The following EYA2 variants were observed in gnomAD, a reference collection of about 807,000 sequenced individuals.
EYA2 encodes protein phosphatase EYA2.
Under a neutral mutation model 69.2 loss-of-function variants are expected in EYA2, and 31 were observed. The ratio of observed to expected loss-of-function variants is 0.45; its 90% CI spans 0.34 to 0.60. The LOEUF is 0.60. EYA2 is among the 20% of genes least tolerant of loss of function. The probability of loss-of-function intolerance (pLI) is 0.02; values close to 1 mark genes in which losing one functional copy is unlikely to be tolerated. For synonymous variants in EYA2, 257 were observed against 279.4 expected, an observed-to-expected ratio of 0.92 and a Z score of 0.80; for missense variants, 622 against 701.2, an observed-to-expected ratio of 0.89 and a Z score of 1.28.
Position 47,188,488 on chromosome 20 carries a change from G to A in EYA2, c.*355G>A. 1.9e-6 allele frequency: 1 copy of A among 530,650 alleles called. No homozygotes were observed. Among genetic ancestry groups the A allele is most frequent in the East Asian group, 2.8e-5 (1 of 35,300 alleles). The allele number at this position is 530,650 out of a possible 1,614,324, so 32.9% of individuals were successfully genotyped here. A position where few individuals can be genotyped will look rare whatever the true frequency, so the allele number is the denominator to read the frequency against. ...TGTCTTCTTTTTAATTTATGGACTA[G>A]TCTCATTACTCCGGAATTATGCTCT... On this transcript the variant is annotated 3_prime_UTR_variant, in exon 16 of 16. Transcript: ENST00000327619.
chr20:46,939,422 A>T (rs749572000), intron 1 of EYA2, among the ~76,000 whole-genome samples: 8 of 152,160 alleles, frequency 5.3e-5, no homozygotes, highest in Non-Finnish European at 8.8e-5. Context: ...ACAAAGAGAG[A>T]TAATGACTTT....
intron 9 of EYA2, among the ~76,000 whole-genome samples, chr20:47,113,687 T>C (rs192948255): frequency 4.0e-4 from 61 of 152,268 alleles, no homozygotes; most frequent in African/African-American, 1.4e-3. Context: ...GCAAAGGTCA[T>C]TCCCAGGCTG....
rs1003286648 is a variant in EYA2 at position 47,146,977 on chromosome 20, A to C, written c.978+3829A>C. ...CAAAGTGCTCTGAAGAGAGACCAAG[A>C]GAGTCAGGGAGGAGGCTCTCACCAG... is the stretch of plus-strand genomic sequence containing the variant. On this transcript the variant is annotated intron_variant, in intron 10 of 15. Transcript: ENST00000327619. Among the ~76,000 whole-genome samples, 8 of 151,662 alleles carry C rather than the reference A, an allele frequency of 5.3e-5. 1 individual carries two copies. Among genetic ancestry groups the C allele is most frequent in the Non-Finnish European group, 1.0e-4 (7 of 67,944 alleles).
chr20:46,946,972 G>A (rs1046339660), intron 1 of EYA2, among the ~76,000 whole-genome samples: 2 of 152,302 alleles, frequency 1.3e-5, no homozygotes, highest in East Asian at 3.9e-4. Flanking sequence ...TGTAAATAAA[G>A]TTTTATTGGA....
At chr20:46,953,486 G>T (rs889307528) in intron 1 of EYA2, among the ~76,000 whole-genome samples, 2 of 152,192 alleles carry the variant, frequency 1.3e-5, no homozygotes, top group South Asian at 4.1e-4. Context: ...AGAATGAGCC[G>T]GGTTGGAAGT....
chr20:47,116,037 C>T (rs1031508246), intron 9 of EYA2, among the ~76,000 whole-genome samples: 12 of 152,216 alleles, frequency 7.9e-5, no homozygotes, highest in African/African-American at 1.9e-4. Context: ...CTTAGGGACG[C>T]TTCCCAATCT....
intron 5 of EYA2, among the ~76,000 whole-genome samples, chr20:47,056,889 A>G (rs2030637793): frequency 6.6e-6 from 1 of 151,988 alleles, no homozygotes; most frequent in East Asian, 1.9e-4. Context: ...TATAAAAAGT[A>G]AAAAACTTAG....
At chr20:47,034,580 A>G (rs932843762) in intron 5 of EYA2, among the ~76,000 whole-genome samples, 1 of 152,196 alleles carries the variant, frequency 6.6e-6, no homozygotes, top group Non-Finnish European at 1.5e-5. Context: ...CAACTTTGCA[A>G]TTCAGAGGCC....
intron 13 of EYA2, among the ~76,000 whole-genome samples, chr20:47,180,577 A>G (rs1002496842): frequency 6.6e-6 from 1 of 152,162 alleles, no homozygotes; most frequent in African/African-American, 2.4e-5. Flanking sequence ...CTTGCAATAA[A>G]CATTTGCTTT....
chr20:47,067,207 AAAGAGAAATCAG>A (rs1332915204), intron 5 of EYA2, among the ~76,000 whole-genome samples: 1 of 152,196 alleles, frequency 6.6e-6, no homozygotes, highest in Admixed American at 6.5e-5. Context: ...ATGCAAAAGA[AAAGAGAAATCAG>A]AAGAGAAAAC....
At chr20:47,117,375 A>G in intron 9 of EYA2, 5 of 985,362 alleles carry the variant, frequency 5.1e-6, no homozygotes, top group Non-Finnish European at 6.0e-6. Flanking sequence ...GGTGAGATGG[A>G]GCCCCGAATT....
rs998533707 is a variant in EYA2 at position 47,013,595 on chromosome 20, A to G, written c.299-2586A>G. 3.3e-5 allele frequency among the ~76,000 whole-genome samples: 5 copies of G among 152,230 alleles called. No individual in the cohort carries two copies. The South Asian group carries it at 1.0e-3, about 32-fold the overall frequency. On this transcript the variant is annotated intron_variant, in intron 4 of 15. Transcript: ENST00000327619. Reference sequence around the variant, plus strand: ...TCATCATCAGGGAACTGGCTGAACAAGCAGTGATATTTCCGATTCTGGCTT... The same window carrying G: ...TCATCATCAGGGAACTGGCTGAACAGGCAGTGATATTTCCGATTCTGGCTT...
At chr20:47,100,321 A>G (rs907155806) in intron 9 of EYA2, among the ~76,000 whole-genome samples, 15 of 152,154 alleles carry the variant, frequency 9.9e-5, no homozygotes, top group Non-Finnish European at 1.6e-4. Context: ...AAATCTGGCA[A>G]TCCTGCATTC....
intron 10 of EYA2, among the ~76,000 whole-genome samples, chr20:47,151,370 C>CA (rs11481571): frequency 0.019 from 2,784 of 143,116 alleles, 79 homozygotes; most frequent in African/African-American, 0.065. Context: ...GACTCCATCT[C>CA]AAAAAAAAAA....
intron 9 of EYA2, among the ~76,000 whole-genome samples, chr20:47,125,047 G>GT (rs11478823): frequency 0.016 from 1,432 of 88,200 alleles, 19 homozygotes; most frequent in East Asian, 0.076. Flanking sequence ...TTTTGGTTAA[G>GT]TTTTTTTTTT....
At chr20:47,140,509 C>G (rs189319103) in intron 9 of EYA2, among the ~76,000 whole-genome samples, 144 of 152,148 alleles carry the variant, frequency 9.5e-4, no homozygotes, top group African/African-American at 3.3e-3. Flanking sequence ...AATATAGCCT[C>G]CAGTGAAAAA....
intron 8 of EYA2, chr20:47,096,133 T>C (rs2032239995): frequency 6.6e-6 from 1 of 152,232 alleles, no homozygotes; most frequent in South Asian, 2.1e-4. Flanking sequence ...TATGACATTA[T>C]TTTAATTATG....
intron 6 of EYA2, 68 bp from the exon 7 acceptor site, chr20:47,074,090 G>A: frequency 1.4e-6 from 2 of 1,439,414 alleles, no homozygotes; most frequent in South Asian, 1.4e-5. Context: ...GAGTGGCCAG[G>A]CTGACCAACG....
At chr20:47,023,174 A>G (rs895788557) in intron 5 of EYA2, among the ~76,000 whole-genome samples, 1 of 152,238 alleles carries the variant, frequency 6.6e-6, no homozygotes. Flanking sequence ...AACCACTGTA[A>G]TAATTTCGTG....
Sources: allele counts gnomAD v4.1 joint callset (sites outside exome capture counted in the v4.1 genomes callset), GRCh38; gene constraint gnomAD v4.1.1; transcripts MANE v1.5; gene names NCBI Gene and HGNC (gene_info 2026-07-23, HGNC 2026-07-21).